DPF3: variants seen among roughly 807,000 people sequenced by gnomAD.
DPF3 encodes the protein zinc finger protein DPF3.
In DPF3, 18 loss-of-function variants were observed where a neutral mutation model predicts 56.8. That is an observed-to-expected ratio of 0.32 (90% CI 0.22 to 0.47). DPF3 has a LOEUF of 0.47. Ranked by LOEUF, DPF3 falls within the 20% of genes least tolerant of loss-of-function variation. The probability of loss-of-function intolerance (pLI) is 1.00; values close to 1 mark genes in which losing one functional copy is unlikely to be tolerated. For synonymous variants in DPF3, 188 were observed against 180.2 expected, an observed-to-expected ratio of 1.04 and a Z score of -0.35; for missense variants, 403 against 488.8, an observed-to-expected ratio of 0.82 and a Z score of 1.65.
At chr14:72,793,672 G>C (rs1306710806) in intron 1 of DPF3, among the ~76,000 whole-genome samples, 1 of 152,194 alleles carries the variant, frequency 6.6e-6, no homozygotes, top group East Asian at 1.9e-4. Context: ...ATGGGGTGGG[G>C]AAGCCCCAGG....
At chr14:72,816,460 G>T (rs558120050) in intron 1 of DPF3, among the ~76,000 whole-genome samples, 17 of 152,216 alleles carry the variant, frequency 1.1e-4, no homozygotes, top group African/African-American at 3.9e-4. Context: ...TATACAGCAA[G>T]TGGGTAGAAG....
At chr14:72,796,267 G>A (rs776710330) in intron 1 of DPF3, among the ~76,000 whole-genome samples, 18 of 152,126 alleles carry the variant, frequency 1.2e-4, no homozygotes, top group African/African-American at 7.2e-5. Flanking sequence ...TCCAGAAGGC[G>A]GAGGCAGGCA....
Position 72,610,249 on chromosome 14 carries a change from C to T in DPF3, c.*9048G>A, listed in dbSNP as rs1883642935. On this transcript the variant is annotated 3_prime_UTR_variant, in exon 11 of 11. Transcript: ENST00000556509. ...CAGTGTGTTTCCAGGGTCTCTGACTCAACTAGAGGGCATCCAAGGCCTGGT... is the reference window on the plus strand; with the variant it reads ...CAGTGTGTTTCCAGGGTCTCTGACTTAACTAGAGGGCATCCAAGGCCTGGT... 1.3e-5 allele frequency among the ~76,000 whole-genome samples: 2 copies of T among 152,188 alleles called. No homozygotes were observed. Among genetic ancestry groups the T allele is most frequent in the Admixed American group, 1.3e-4 (2 of 15,286 alleles).
At chr14:72,736,230 G>A (rs958526327) in intron 3 of DPF3, among the ~76,000 whole-genome samples, 1 of 152,128 alleles carries the variant, frequency 6.6e-6, no homozygotes, top group Non-Finnish European at 1.5e-5. Flanking sequence ...ATAAAAATAT[G>A]GACGCAAAAT....
chr14:72,676,740 C>T (rs962952072), intron 7 of DPF3, among the ~76,000 whole-genome samples: 5 of 152,196 alleles, frequency 3.3e-5, no homozygotes, highest in Admixed American at 2.0e-4. Flanking sequence ...TCCTCCTTTG[C>T]CTTCTGCCGT....
At chr14:72,735,164 T>C (rs1480486875) in intron 3 of DPF3, among the ~76,000 whole-genome samples, 1 of 152,148 alleles carries the variant, frequency 6.6e-6, no homozygotes, top group Non-Finnish European at 1.5e-5. Flanking sequence ...TCCAAACCTT[T>C]ATGCATTTTC....
intron 5 of DPF3, among the ~76,000 whole-genome samples, chr14:72,719,799 T>C (rs1379938228): frequency 6.6e-6 from 1 of 152,144 alleles, no homozygotes; most frequent in Non-Finnish European, 1.5e-5. Context: ...AACTTACTGA[T>C]GAAGAAACTG....
intron 1 of DPF3, among the ~76,000 whole-genome samples, chr14:72,817,749 T>C (rs1423176125): frequency 2.6e-5 from 4 of 152,204 alleles, no homozygotes; most frequent in Non-Finnish European, 4.4e-5. Flanking sequence ...AATATCTATC[T>C]GATAGCTGAA....
At chr14:72,625,735 G>A (rs1884785507) in intron 9 of DPF3, among the ~76,000 whole-genome samples, 1 of 152,148 alleles carries the variant, frequency 6.6e-6, no homozygotes, top group African/African-American at 2.4e-5. Context: ...GATATAATAT[G>A]TATAAACTAT....
chr14:72,693,322 G>T, intron 6 of DPF3, 109 bp from the exon 7 acceptor site: 1 of 1,314,946 alleles, frequency 7.6e-7, no homozygotes. Context: ...CCAGAGCCAG[G>T]CTTCCCTTAA....
At chr14:72,791,987 C>T (rs1892454068) in intron 1 of DPF3, among the ~76,000 whole-genome samples, 1 of 152,158 alleles carries the variant, frequency 6.6e-6, no homozygotes, top group Non-Finnish European at 1.5e-5. Context: ...GGATAAAGGG[C>T]ACAGAGGGCT....
chr14:72,627,690 T>A (rs1437799226), intron 9 of DPF3, among the ~76,000 whole-genome samples: 3 of 152,092 alleles, frequency 2.0e-5, no homozygotes, highest in African/African-American at 7.2e-5. Context: ...ATAAAAAAAG[T>A]TTGTTGATAT....
At chr14:72,733,682 C>A (rs147600800) in intron 3 of DPF3, among the ~76,000 whole-genome samples, 107 of 152,244 alleles carry the variant, frequency 7.0e-4, no homozygotes, top group Non-Finnish European at 1.2e-3. Context: ...GAGCTCCGAG[C>A]AGGGTGAAGA....
chr14:72,744,934 G>A (rs527942436), intron 3 of DPF3, among the ~76,000 whole-genome samples: 56 of 152,264 alleles, frequency 3.7e-4, no homozygotes, highest in African/African-American at 1.3e-3. Flanking sequence ...CCCTCTTCCC[G>A]GAGGAGATGA....
At chr14:72,784,171 A>C (rs1892112867) in intron 1 of DPF3, among the ~76,000 whole-genome samples, 1 of 152,000 alleles carries the variant, frequency 6.6e-6, no homozygotes, top group Non-Finnish European at 1.5e-5. Flanking sequence ...AGTCACCCCA[A>C]TCTCTCTTGG....
At chr14:72,886,180 T>C (rs1001466719) in intron 1 of DPF3, among the ~76,000 whole-genome samples, 1 of 152,178 alleles carries the variant, frequency 6.6e-6, no homozygotes, top group Non-Finnish European at 1.5e-5. Flanking sequence ...GAGACGAGCC[T>C]GGCCAACATG....
intron 2 of DPF3, among the ~76,000 whole-genome samples, chr14:72,770,276 C>A (rs535545455): frequency 6.6e-6 from 1 of 152,206 alleles, no homozygotes; most frequent in Non-Finnish European, 1.5e-5. Flanking sequence ...TTCTGGGAAA[C>A]CCTACAGCGT....
At chr14:72,663,056 AT>A (rs1886286153) in intron 8 of DPF3, among the ~76,000 whole-genome samples, 1 of 151,348 alleles carries the variant, frequency 6.6e-6, no homozygotes, top group East Asian at 2.0e-4. Flanking sequence ...CTTCAGCAGC[AT>A]GAGATCAGCC....
At chr14:72,738,154 G>A (rs558858559) in intron 3 of DPF3, among the ~76,000 whole-genome samples, 3 of 152,240 alleles carry the variant, frequency 2.0e-5, no homozygotes, top group East Asian at 3.9e-4. Context: ...TGGGGAGGGG[G>A]ATCAGAGACC....
Sources: gnomAD v4.1 joint callset for allele counts (sites outside exome capture counted in the v4.1 genomes callset) on GRCh38, gnomAD v4.1.1 for gene constraint, MANE v1.5 for transcripts, NCBI Gene and HGNC (gene_info 2026-07-23, HGNC 2026-07-21) for gene names.